The following SMCO4 variants were observed in gnomAD, a reference collection of about 807,000 sequenced individuals.
SMCO4 encodes the protein single-pass membrane and coiled-coil domain-containing protein 4.
SMCO4 carries 4 observed loss-of-function variants against 3.6 expected under a neutral mutation model. That is an observed-to-expected ratio of 1.11 (90% CI 0.54 to 2.53). SMCO4 has a LOEUF of 2.53. Ranked by LOEUF, SMCO4 falls within the 30% of genes most tolerant of loss-of-function variation. The pLI is 0.02. For synonymous variants in SMCO4, 36 were observed against 35.3 expected, an observed-to-expected ratio of 1.02 and a Z score of -0.07; for missense variants, 70 against 80.8, an observed-to-expected ratio of 0.87 and a Z score of 0.51.
rs144870310 is a variant in SMCO4 at position 93,519,263 on chromosome 11, G to A, written c.-153-19915C>T. Among the ~76,000 whole-genome samples, 764 of 152,268 alleles carry A rather than the reference G, an allele frequency of 5.0e-3. 3 individuals carry two copies. The highest frequency in any genetic ancestry group is 7.4e-3 in the Non-Finnish European group (506 of 68,028). On this transcript the variant is annotated intron_variant, in intron 1 of 2. Coordinates refer to ENST00000298966, the MANE Select transcript of SMCO4 (RefSeq NM_020179.3). ...GGGACTGTAACAAAGGAGGATGCAC[G>A]AGTGCCTTTAAATTACATGAAAAAA...
At position 93,535,488 on chromosome 11, in the gene SMCO4, A is replaced by C. The variant is rs922897254; in HGVS notation, c.-154+7788T>G. The C allele has an allele frequency of 2.9e-6, 4 of 1,398,234 alleles. No individual in the cohort carries two copies. In the African/African-American group the frequency reaches 5.6e-5, roughly 20 times the overall value. 86.6% of individuals were successfully genotyped at this position (1,398,234 alleles called of 1,614,324 possible). On this transcript the variant is annotated intron_variant, in intron 1 of 2. Transcript: ENST00000298966. The stretch of plus-strand genomic sequence containing the variant: ...GCCGCGATGGTGTTGTTGGAGAGCG[A>C]GCAGCTCCTGACGGAGCTGACCAGA...
At chr11:93,483,156 A>G (rs568042673) in intron 2 of SMCO4, among the ~76,000 whole-genome samples, 12 of 152,250 alleles carry the variant, frequency 7.9e-5, no homozygotes, top group South Asian at 2.1e-4. Flanking sequence ...GTTTTTTTCA[A>G]TGAAATAGGA....
intron 1 of SMCO4, among the ~76,000 whole-genome samples, chr11:93,509,667 G>A (rs1318672127): frequency 1.3e-5 from 2 of 152,186 alleles, no homozygotes; most frequent in Non-Finnish European, 2.9e-5. Context: ...GGCATTTACA[G>A]CAACCTGGAC....
At chr11:93,550,507 A>T in the SMCO4 span, among the ~76,000 whole-genome samples, 16 of 152,062 alleles carry the variant, frequency 1.1e-4, no homozygotes, top group Admixed American at 2.0e-4. Context: ...AAAAAATTTT[A>T]AAAAATTAAA....
At chr11:93,502,658 C>T (rs1948853152) in intron 1 of SMCO4, among the ~76,000 whole-genome samples, 1 of 152,160 alleles carries the variant, frequency 6.6e-6, no homozygotes, top group South Asian at 2.1e-4. Context: ...ACTATACACA[C>T]CCTTTGACTT....
chr11:93,495,729 C>T (rs998517944), intron 2 of SMCO4, among the ~76,000 whole-genome samples: 1 of 152,058 alleles, frequency 6.6e-6, no homozygotes, highest in African/African-American at 2.4e-5. Flanking sequence ...CAGCTGATTA[C>T]TTATTGGCTA....
intron 1 of SMCO4, among the ~76,000 whole-genome samples, chr11:93,532,243 C>G (rs550993676): frequency 6.6e-6 from 1 of 152,308 alleles, no homozygotes; most frequent in Non-Finnish European, 1.5e-5. Flanking sequence ...GAGACACACA[C>G]CGTAATGGTT....
chr11:93,498,372 G>T (rs1031190974), intron 2 of SMCO4, among the ~76,000 whole-genome samples: 4 of 152,216 alleles, frequency 2.6e-5, no homozygotes, highest in African/African-American at 9.7e-5. Context: ...ACTGAGTGAA[G>T]CAGTCGAGAG....
intron 2 of SMCO4, among the ~76,000 whole-genome samples, chr11:93,497,265 T>G (rs368931108): frequency 6.6e-6 from 1 of 152,176 alleles, no homozygotes; most frequent in Non-Finnish European, 1.5e-5. Context: ...TCTGCTGCCT[T>G]GACTGATAGA....
At chr11:93,514,016 A>C (rs562488896) in intron 1 of SMCO4, among the ~76,000 whole-genome samples, 2 of 152,230 alleles carry the variant, frequency 1.3e-5, no homozygotes, top group South Asian at 2.1e-4. Context: ...TGGTTTCATC[A>C]ATCTCTTTAT....
At chr11:93,497,431 G>T (rs973395635) in intron 2 of SMCO4, among the ~76,000 whole-genome samples, 1 of 152,128 alleles carries the variant, frequency 6.6e-6, no homozygotes, top group African/African-American at 2.4e-5. Flanking sequence ...ATTTAAATTA[G>T]CCTTAACAAA....
At chr11:93,500,286 A>G (rs1204504516) in intron 1 of SMCO4, among the ~76,000 whole-genome samples, 1 of 152,200 alleles carries the variant, frequency 6.6e-6, no homozygotes, top group Non-Finnish European at 1.5e-5. Context: ...CCACTGGGCC[A>G]GATGGTCTCA....
At chr11:93,549,678 T>C in the SMCO4 span, among the ~76,000 whole-genome samples, 1 of 152,024 alleles carries the variant, frequency 6.6e-6, no homozygotes, top group South Asian at 2.1e-4. Flanking sequence ...AGGCTGTTCT[T>C]GAACTCCTGG....
chr11:93,490,049 A>G (rs570048166), intron 2 of SMCO4, among the ~76,000 whole-genome samples: 10 of 152,316 alleles, frequency 6.6e-5, no homozygotes, highest in Admixed American at 2.0e-4. Flanking sequence ...GCAGCAAAGG[A>G]GGTTCCTCCT....
At chr11:93,501,903 C>T (rs78505668) in intron 1 of SMCO4, among the ~76,000 whole-genome samples, 2,226 of 152,160 alleles carry the variant, frequency 0.015, 58 homozygotes, top group African/African-American at 0.051. Context: ...TCAAATGTAG[C>T]AGGTTCCCTT....
upstream of SMCO4, among the ~76,000 whole-genome samples, chr11:93,546,209 T>C (rs548777739): frequency 6.6e-6 from 1 of 152,376 alleles, no homozygotes; most frequent in South Asian, 2.1e-4. Flanking sequence ...TTTTCTGTTA[T>C]GAAGCATTCA....
intron 1 of SMCO4, among the ~76,000 whole-genome samples, chr11:93,528,875 C>T (rs1264558561): frequency 6.6e-6 from 1 of 152,200 alleles, no homozygotes; most frequent in Non-Finnish European, 1.5e-5. Flanking sequence ...CTACTCAGAG[C>T]CCAGCAAAGA....
rs1286436120 is a variant in SMCO4 at position 93,483,002 on chromosome 11, G to A, written c.-80-3733C>T. Among the ~76,000 whole-genome samples the A allele has an allele frequency of 2.0e-5, 3 of 152,220 alleles. No individual in the cohort carries two copies. The East Asian group carries it at 5.8e-4, about 29-fold the overall frequency. On this transcript the variant is annotated intron_variant, in intron 2 of 2. Coordinates refer to ENST00000298966, the MANE Select transcript of SMCO4 (RefSeq NM_020179.3). ...GACACTGAAAAAAGAAGAGGTCTCT[G>A]TAGGAGCAAGACAAGAAGCTGAATG...
At chr11:93,537,622 C>T (rs571826172) in intron 1 of SMCO4, among the ~76,000 whole-genome samples, 10 of 152,014 alleles carry the variant, frequency 6.6e-5, no homozygotes, top group African/African-American at 1.7e-4. Flanking sequence ...ACATAATGTT[C>T]AAGAGGTAGG....
Sources: gnomAD v4.1 joint callset for allele counts (sites outside exome capture counted in the v4.1 genomes callset) on GRCh38, gnomAD v4.1.1 for gene constraint, MANE v1.5 for transcripts, NCBI Gene and HGNC (gene_info 2026-07-23, HGNC 2026-07-21) for gene names.